Variants in ATXN7 observed in about 807,000 individuals in gnomAD.
ATXN7 encodes the protein ataxin-7.
ATXN7 carries 12 observed loss-of-function variants against 70.5 expected under a neutral mutation model. That is an observed-to-expected ratio of 0.17 (90% CI 0.11 to 0.28). ATXN7 has a LOEUF of 0.28. Among genes scored for constraint, ATXN7 ranks in the 10% least tolerant of loss-of-function variants. The pLI is 1.00. For synonymous variants in ATXN7, 498 were observed against 448.7 expected (o/e 1.11, Z -1.39); for missense variants, 1,256 against 1,131.7 (o/e 1.11, Z -1.58).
At chr3:63,988,420 C>T (rs905614510) in intron 9 of ATXN7, 96 bp downstream of exon 9, 1 of 1,461,602 alleles carries the variant, frequency 6.8e-7, no homozygotes, top group Admixed American at 2.1e-5. Flanking sequence ...AGAAACATAT[C>T]TCAGGCTCAC....
intron 4 of ATXN7, among the ~76,000 whole-genome samples, chr3:63,917,294 G>A (rs1176896557): frequency 6.6e-6 from 1 of 152,140 alleles, no homozygotes; most frequent in Non-Finnish European, 1.5e-5. Flanking sequence ...AAATGATTAA[G>A]ACAAATTACT....
At chr3:63,954,146 G>A (rs1163505843) in intron 5 of ATXN7, among the ~76,000 whole-genome samples, 1 of 152,168 alleles carries the variant, frequency 6.6e-6, no homozygotes, top group Non-Finnish European at 1.5e-5. Context: ...TACAGAGGTG[G>A]ATAAGATGTC....
intron 2 of ATXN7, among the ~76,000 whole-genome samples, chr3:63,903,014 TG>T (rs1468212928): frequency 2.0e-5 from 3 of 152,144 alleles, no homozygotes; most frequent in African/African-American, 4.8e-5. Context: ...GCTTCTCATA[TG>T]GTAAATCTAG....
chr3:63,965,826 A>G (rs905571503), intron 5 of ATXN7, among the ~76,000 whole-genome samples: 1 of 152,222 alleles, frequency 6.6e-6, no homozygotes, highest in Non-Finnish European at 1.5e-5. Flanking sequence ...GAGTGTTTAA[A>G]ATTTTAATCT....
chr3:63,921,131 A>G (rs1704495508), intron 4 of ATXN7, among the ~76,000 whole-genome samples: 1 of 152,238 alleles, frequency 6.6e-6, no homozygotes, highest in Non-Finnish European at 1.5e-5. Flanking sequence ...AAACTAGATT[A>G]AGTATTCTTG....
rs1056506660 is a variant in ATXN7, at chr3:63,998,691, C to T, written c.2662-759C>T. ...TAGAGATCAAAGGATCATTGAACCC[C>T]AAGAAGTATTGCACATTTTTATGTC... On this transcript the variant is annotated intron_variant, in intron 12 of 12. Transcript: ENST00000674280. 2.0e-5 allele frequency: 20 copies of T among 984,430 alleles called. No individual in the cohort carries two copies. The African/African-American group carries it at 2.8e-4, about 14-fold the overall frequency. 61.0% of individuals were successfully genotyped at this position (984,430 alleles called of 1,614,324 possible).
At chr3:63,942,402 T>C (rs2074784253) in intron 4 of ATXN7, among the ~76,000 whole-genome samples, 1 of 152,204 alleles carries the variant, frequency 6.6e-6, no homozygotes, top group South Asian at 2.1e-4. Context: ...GCATTGTACG[T>C]GGAACACAGG....
At position 63,874,062 on chromosome 3, in the gene ATXN7, AT is replaced by A. The variant is rs534822331; in HGVS notation, c.-111+9907del. ...TTGTGGCTCTACACTGTCTATTTCC[AT>A]TTAACCTTACTGGTACTTACCACTC... On this transcript the variant is annotated intron_variant, in intron 1 of 12. Coordinates refer to ENST00000674280, the MANE Select transcript of ATXN7 (RefSeq NM_001377405.1). Among the ~76,000 whole-genome samples, 34 of 152,308 alleles carry A rather than the reference AT, an allele frequency of 2.2e-4. No homozygotes were observed. The South Asian group carries it at 6.0e-3, about 27-fold the overall frequency.
chr3:63,989,984 T>G (rs1285782907), intron 9 of ATXN7, among the ~76,000 whole-genome samples, 192 bp from the exon 10 acceptor site: 1 of 152,188 alleles, frequency 6.6e-6, no homozygotes, highest in Non-Finnish European at 1.5e-5. Context: ...ACAGCTGAAC[T>G]TAACATCCTG....
At chr3:63,953,835 A>G (rs574745584) in intron 5 of ATXN7, among the ~76,000 whole-genome samples, 1 of 152,126 alleles carries the variant, frequency 6.6e-6, no homozygotes, top group Non-Finnish European at 1.5e-5. Context: ...TTTAGTAGAG[A>G]CAGGGTTTCA....
chr3:63,980,652 G>C (rs1305276952), intron 6 of ATXN7: 2 of 164,542 alleles, frequency 1.2e-5, no homozygotes, highest in African/African-American at 4.8e-5. Context: ...CTGGGTTATT[G>C]AGAATATTTT....
At chr3:63,961,858 A>G (rs1226776190) in intron 5 of ATXN7, among the ~76,000 whole-genome samples, 3 of 152,116 alleles carry the variant, frequency 2.0e-5, no homozygotes, top group East Asian at 3.8e-4. Context: ...TTTAATGGAG[A>G]TATTTCGGGA....
intron 4 of ATXN7, among the ~76,000 whole-genome samples, chr3:63,937,826 T>C (rs1347412119): frequency 6.6e-6 from 1 of 152,190 alleles, no homozygotes; most frequent in Non-Finnish European, 1.5e-5. Flanking sequence ...GGCAAGTTAC[T>C]TAATCTTGCG....
At chr3:63,981,439 T>C (rs1354074378) in intron 6 of ATXN7, among the ~76,000 whole-genome samples, 1 of 152,252 alleles carries the variant, frequency 6.6e-6, no homozygotes, top group East Asian at 1.9e-4. Flanking sequence ...AAATCTTCTT[T>C]ACTTAGAGCT....
intron 10 of ATXN7, 47 bp downstream of exon 10, chr3:63,990,421 G>A (rs752272088): frequency 1.9e-6 from 3 of 1,606,860 alleles, no homozygotes; most frequent in Admixed American, 3.3e-5. Context: ...ACACAGCATG[G>A]ACAGGGCACT....
intron 1 of ATXN7, among the ~76,000 whole-genome samples, chr3:63,888,738 T>C (rs577448253): frequency 2.6e-5 from 4 of 152,284 alleles, no homozygotes. Context: ...ATCGTGCCAG[T>C]GCACTCCAGC....
chr3:63,996,563 G>T, intron 12 of ATXN7, 80 bp downstream of exon 12: 2 of 1,405,550 alleles, frequency 1.4e-6, no homozygotes, highest in Non-Finnish European at 1.9e-6. Context: ...AAATGTGTTT[G>T]GTTGGGTTGG....
intron 11 of ATXN7, 176 bp downstream of exon 11, chr3:63,991,035 A>G: frequency 1.2e-6 from 1 of 855,348 alleles, no homozygotes; most frequent in Non-Finnish European, 1.8e-6. Context: ...CCCCACAACT[A>G]CATATTGTTG....
At chr3:63,995,463 G>C (rs1252129415) in intron 11 of ATXN7, 42 bp from the exon 12 acceptor site, 1 of 1,604,308 alleles carries the variant, frequency 6.2e-7, no homozygotes, top group Non-Finnish European at 8.5e-7. Context: ...CTCTGTGAAT[G>C]GCTGTGGTCA....
Sources: allele counts gnomAD v4.1 joint callset (sites outside exome capture counted in the v4.1 genomes callset), GRCh38; gene constraint gnomAD v4.1.1; transcripts MANE v1.5; gene names NCBI Gene and HGNC (gene_info 2026-07-23, HGNC 2026-07-21).